CSPP1: variants seen among roughly 807,000 people sequenced by gnomAD.
The protein encoded by CSPP1 is centrosome and spindle pole-associated protein 1.
CSPP1 carries 126 observed loss-of-function variants against 164.4 expected under a neutral mutation model. That is an observed-to-expected ratio of 0.77 (90% CI 0.66 to 0.89). The LOEUF (loss-of-function observed/expected upper bound fraction) is 0.89, where lower values mean the gene tolerates loss of function less well. Ranked by LOEUF, CSPP1 falls within the 40% of genes least tolerant of loss-of-function variation. The pLI, the probability that CSPP1 is intolerant of heterozygous loss-of-function variation, is 0.00. For missense variants in CSPP1, 1,395 were observed against 1,449.8 expected (o/e 0.96, Z 0.61); for synonymous variants, 472 against 476.7 (o/e 0.99, Z 0.13).
intron 8 of CSPP1, among the ~76,000 whole-genome samples, chr8:67,105,201 T>A (rs896729582): frequency 6.6e-6 from 1 of 150,868 alleles, no homozygotes; most frequent in Non-Finnish European, 1.5e-5. Context: ...AATTTCTGTA[T>A]TTTTAGTAGA....
chr8:67,071,145 A>G (rs551751648), intron 1 of CSPP1, among the ~76,000 whole-genome samples: 15 of 152,314 alleles, frequency 9.8e-5, no homozygotes, highest in African/African-American at 3.4e-4. Context: ...AAGTTTCAAC[A>G]TATTCTTTTA....
intron 13 of CSPP1, among the ~76,000 whole-genome samples, chr8:67,116,686 A>G (rs1817993372): frequency 6.6e-6 from 1 of 152,178 alleles, no homozygotes; most frequent in Non-Finnish European, 1.5e-5. Context: ...TCACACTATA[A>G]TAGAATATAC....
intron 18 of CSPP1, among the ~76,000 whole-genome samples, chr8:67,150,920 G>A (rs1026796210): frequency 2.6e-5 from 4 of 152,156 alleles, no homozygotes; most frequent in Non-Finnish European, 5.9e-5. Context: ...TCTACTTTGT[G>A]CTTTCACAGA....
intron 16 of CSPP1, chr8:67,134,722 G>C (rs1355006330): frequency 6.6e-6 from 1 of 151,940 alleles, no homozygotes; most frequent in African/African-American, 2.4e-5. Context: ...ACCATGCCCG[G>C]CTAATTTTTA....
At chr8:67,067,589 G>T (rs1347917740) in intron 1 of CSPP1, among the ~76,000 whole-genome samples, 1 of 152,050 alleles carries the variant, frequency 6.6e-6, no homozygotes, top group African/African-American at 2.4e-5. Context: ...TCAGCCTTCT[G>T]AGTAGCTGGA....
chr8:67,088,619 C>T lies in CSPP1; in HGVS notation c.303+2509C>T, dbSNP rs1563521499. 9.2e-3 allele frequency among the ~76,000 whole-genome samples: 4 copies of T among 436 alleles called. 1 individual carries two copies. The highest frequency in any genetic ancestry group is 6.3e-3 in the Non-Finnish European group (1 of 160). The allele number at this position is 436 out of a possible 152,430, so 0.3% of individuals were successfully genotyped here. ...TGAGATTATTAAGAATATAGTCGGC[C>T]GGGGGCACGGCTGACGCCTGTAATC... On this transcript the variant is annotated intron_variant, in intron 4 of 30. Coordinates refer to ENST00000678616, the MANE Select transcript of CSPP1 (RefSeq NM_001382391.1).
intron 18 of CSPP1, among the ~76,000 whole-genome samples, chr8:67,150,800 AAG>A (rs386726337): frequency 1.3e-5 from 2 of 152,196 alleles, no homozygotes; most frequent in African/African-American, 4.8e-5. Flanking sequence ...ATACCAGGAA[AAG>A]TTGTCAGGTA....
intron 13 of CSPP1, among the ~76,000 whole-genome samples, chr8:67,117,079 T>C (rs1198596321): frequency 6.6e-6 from 1 of 152,214 alleles, no homozygotes; most frequent in Non-Finnish European, 1.5e-5. Context: ...CACACCTTTG[T>C]TGAACTTCAA....
rs373030341 is a variant in CSPP1 at position 67,126,981 on chromosome 8, G to A, written c.1698-4970G>A. On this transcript the variant is annotated intron_variant, in intron 15 of 30. Coordinates refer to ENST00000678616, the MANE Select transcript of CSPP1 (RefSeq NM_001382391.1). ...GATTTTTCTAGAGATTGGATTTTTGGGGAATTCCAGACCTATTCTACCTGT... is the reference window on the plus strand; with the variant it reads ...GATTTTTCTAGAGATTGGATTTTTGAGGAATTCCAGACCTATTCTACCTGT... Among the ~76,000 whole-genome samples the A allele has an allele frequency of 5.3e-5, 8 of 151,790 alleles. No homozygotes were observed. The East Asian group carries it at 5.8e-4, about 11-fold the overall frequency.
chr8:67,159,059 G>A lies in CSPP1; in HGVS notation c.2460G>A (p.Lys820=). 6.2e-7 allele frequency: 1 copy of A among 1,612,370 alleles called. No homozygotes were observed. The highest frequency in any genetic ancestry group is 8.5e-7 in the Non-Finnish European group (1 of 1,179,034). ...GACAAAAAGAAGCAGAAAGAAAGAA[G>A]AAAGAAGAAGAAGAAAAATATAACC... ...EERQKEAERK[K]KEEEEKYNLQ... Residue 820 remains lysine, a synonymous_variant, in exon 21 of 31, where the codon AAG becomes AAA. Transcript: ENST00000678616.
In CSPP1 at chr8:67,111,945, T is replaced by C. The variant is rs549860275; in HGVS notation, c.1094-27T>C. On this transcript the variant is annotated intron_variant, in intron 9 of 30. Coordinates refer to ENST00000678616, the MANE Select transcript of CSPP1 (RefSeq NM_001382391.1). Reference sequence around the variant, plus strand: ...TGCATACGATGCTTAAGAGTTAAGATTGTATTTTTCTCATACCACTATCTA... The same window carrying C: ...TGCATACGATGCTTAAGAGTTAAGACTGTATTTTTCTCATACCACTATCTA... 1.3e-5 allele frequency: 19 copies of C among 1,414,674 alleles called. No individual in the cohort carries two copies. The East Asian group carries it at 3.5e-4, about 26-fold the overall frequency. The allele number at this position is 1,414,674 out of a possible 1,614,324, so 87.6% of individuals were successfully genotyped here.
At chr8:67,068,136 A>G (rs1805976773) in intron 1 of CSPP1, among the ~76,000 whole-genome samples, 1 of 152,212 alleles carries the variant, frequency 6.6e-6, no homozygotes, top group Non-Finnish European at 1.5e-5. Context: ...GGCATGGGCC[A>G]CTGCGCCTGG....
chr8:67,116,097 G>C lies in CSPP1; in HGVS notation c.1471G>C (p.Ala491Pro). 1.2e-6 allele frequency: 2 copies of C among 1,613,892 alleles called. No individual in the cohort carries two copies. Among genetic ancestry groups the C allele is most frequent in the Non-Finnish European group, 1.7e-6 (2 of 1,179,844 alleles). The change falls in exon 13 of 31, where the codon GCC becomes CCC. Residue 491 changes from alanine to proline, a missense_variant. By Grantham distance (27) the Ala-to-Pro change is conservative. Transcript: ENST00000678616. The part of the protein sequence containing the change: ...NEDLRSGLSS[A>P]LGEMVSPRIA... ...AGATTTGCGCAGTGGACTCAGCAGC[G>C]CCCTTGGTGAAATGGTGTCTCCCAG...
chr8:67,130,504 C>G (rs1179439572), intron 15 of CSPP1, among the ~76,000 whole-genome samples: 1 of 152,180 alleles, frequency 6.6e-6, no homozygotes, highest in Non-Finnish European at 1.5e-5. Context: ...AAAATACAGT[C>G]AGTTAGGAAC....
intron 15 of CSPP1, among the ~76,000 whole-genome samples, chr8:67,129,547 A>G (rs1289485619): frequency 6.6e-6 from 1 of 152,204 alleles, no homozygotes; most frequent in Non-Finnish European, 1.5e-5. Flanking sequence ...TGTAGATGCA[A>G]AGACTTGGAT....
chr8:67,187,508 CT>C (rs1014654848), intron 28 of CSPP1, among the ~76,000 whole-genome samples: 5 of 152,044 alleles, frequency 3.3e-5, no homozygotes, highest in African/African-American at 1.2e-4. Context: ...AAAACAACAC[CT>C]TGTCTCTACA....
chr8:67,143,114 T>C (rs1823830748), intron 17 of CSPP1, among the ~76,000 whole-genome samples: 1 of 152,126 alleles, frequency 6.6e-6, no homozygotes, highest in Non-Finnish European at 1.5e-5. Flanking sequence ...TTTTAGGCTC[T>C]GGTCCAGGAT....
intron 8 of CSPP1, among the ~76,000 whole-genome samples, chr8:67,105,563 T>C (rs187978533): frequency 2.6e-5 from 4 of 152,030 alleles, no homozygotes; most frequent in Non-Finnish European, 5.9e-5. Context: ...TTGTATTTTT[T>C]ATTAGAGACG....
intron 7 of CSPP1, among the ~76,000 whole-genome samples, chr8:67,102,662 A>G (rs888288407): frequency 6.6e-6 from 1 of 152,230 alleles, no homozygotes; most frequent in Admixed American, 6.5e-5. Flanking sequence ...AAATGTTCTC[A>G]TTTTGAATTT....
Sources: gnomAD v4.1 joint callset for allele counts (sites outside exome capture counted in the v4.1 genomes callset) on GRCh38, gnomAD v4.1.1 for gene constraint, MANE v1.5 for transcripts, NCBI Gene and HGNC (gene_info 2026-07-23, HGNC 2026-07-21) for gene names.